The following NTN4 variants were observed in gnomAD, a reference collection of about 807,000 sequenced individuals.
NTN4 encodes netrin 4.
Under a neutral mutation model 73.6 loss-of-function variants are expected in NTN4, and 32 were observed. The observed-to-expected ratio is 0.44, with a 90% confidence interval of 0.33 to 0.58. The LOEUF is 0.58. Among genes scored for constraint, NTN4 ranks in the 20% least tolerant of loss-of-function variants. NTN4 has a pLI of 0.04. For synonymous variants in NTN4, 258 were observed against 287.5 expected (o/e 0.90, Z 1.04); for missense variants, 654 against 798.3 (o/e 0.82, Z 2.18).
chr12:95,672,216 CG>C (rs1303324927), intron 7 of NTN4: 1 of 451,024 alleles, frequency 2.2e-6, no homozygotes, highest in Non-Finnish European at 3.8e-6. Flanking sequence ...GGGGGGCGGG[CG>C]GGGGGAGGGA....
At chr12:95,703,751 A>C (rs1463269729) in intron 5 of NTN4, among the ~76,000 whole-genome samples, 1 of 152,132 alleles carries the variant, frequency 6.6e-6, no homozygotes. Flanking sequence ...TTCTCAGTAA[A>C]CCTCTACATA....
chr12:95,672,796 C>T lies in NTN4; in HGVS notation c.1511-2650G>A, dbSNP rs1474377474. ...GAAGGACACTATTGCCAGCGCTCTG[C>T]CCTTTTGGAATAAAGAAATAGTTCC... On this transcript the variant is annotated intron_variant, in intron 7 of 9. Coordinates refer to ENST00000343702, the MANE Select transcript of NTN4 (RefSeq NM_021229.4). The T allele has an allele frequency of 4.5e-6, 6 of 1,323,344 alleles. No individual in the cohort carries two copies. The Admixed American group carries it at 8.4e-5, about 19-fold the overall frequency. 82.0% of individuals were successfully genotyped at this position (1,323,344 alleles called of 1,614,324 possible).
At chr12:95,768,012 C>G (rs955890494) in intron 2 of NTN4, among the ~76,000 whole-genome samples, 1 of 152,158 alleles carries the variant, frequency 6.6e-6, no homozygotes, top group Non-Finnish European at 1.5e-5. Flanking sequence ...TCTGCACATC[C>G]CTTATTCTGC....
intron 2 of NTN4, among the ~76,000 whole-genome samples, chr12:95,764,846 A>C (rs1340890289): frequency 1.3e-5 from 2 of 152,142 alleles, no homozygotes; most frequent in Non-Finnish European, 2.9e-5. Context: ...ACACGTTATA[A>C]CTCCCTAACT....
At chr12:95,718,302 T>C (rs2078622565) in intron 3 of NTN4, among the ~76,000 whole-genome samples, 1 of 152,178 alleles carries the variant, frequency 6.6e-6, no homozygotes. Flanking sequence ...GTCCTTCCTT[T>C]TGGGGCAGAA....
In NTN4 at chr12:95,711,663, G is replaced by A. The variant is rs115281438; in HGVS notation, c.992-1034C>T. 8.9e-3 allele frequency among the ~76,000 whole-genome samples: 1,355 copies of A among 152,266 alleles called. 21 individuals are homozygous for A. Among genetic ancestry groups the A allele is most frequent in the African/African-American group, 0.031 (1,274 of 41,554 alleles). Reference sequence around the variant, plus strand: ...GAAGCCTCAATTTTCTTACAGAAGAGGCCTGCAGTATTTATTATATAACAA... The same window carrying A: ...GAAGCCTCAATTTTCTTACAGAAGAAGCCTGCAGTATTTATTATATAACAA... On this transcript the variant is annotated intron_variant, in intron 4 of 9. Transcript: ENST00000343702.
intron 5 of NTN4, among the ~76,000 whole-genome samples, chr12:95,708,276 AT>A (rs2078535685): frequency 7.0e-6 from 1 of 143,774 alleles, no homozygotes; most frequent in Admixed American, 6.8e-5. Flanking sequence ...TTATTTATTT[AT>A]TTATTTATTT....
rs56063223 is a variant in NTN4, at chr12:95,700,080, A to ATTTTTTTTTTTTTTTTTTT, written c.1180+10342_1180+10360dup. On this transcript the variant is annotated intron_variant, in intron 5 of 9. Transcript: ENST00000343702. The stretch of plus-strand genomic sequence containing the variant: ...AACAGTGTATTCTTCTAAAGTGAGG[A>ATTTTTTTTTTTTTTTTTTT]TTTTTTTTTTTTTTTTTTTTTTTTT... Among the ~76,000 whole-genome samples, 5 of 41,822 alleles carry ATTTTTTTTTTTTTTTTTTT rather than the reference A, an allele frequency of 1.2e-4. 1 individual carries two copies. Among genetic ancestry groups the ATTTTTTTTTTTTTTTTTTT allele is most frequent in the Non-Finnish European group, 4.3e-5 (1 of 23,310 alleles). 27.4% of individuals were successfully genotyped at this position (41,822 alleles called of 152,430 possible). A position where few individuals can be genotyped will look rare whatever the true frequency, so the allele number is the denominator to read the frequency against.
intron 2 of NTN4, among the ~76,000 whole-genome samples, chr12:95,766,158 G>A (rs2079020103): frequency 6.6e-6 from 1 of 152,098 alleles, no homozygotes. Context: ...GGCTAAAAAG[G>A]GTGCTCCTCT....
At chr12:95,694,427 T>C (rs1052668731) in intron 5 of NTN4, among the ~76,000 whole-genome samples, 6 of 152,024 alleles carry the variant, frequency 3.9e-5, no homozygotes, top group Non-Finnish European at 8.8e-5. Context: ...GGGGGATTTT[T>C]AATAGTGAAG....
At chr12:95,788,698 T>C (rs1320385742) in intron 1 of NTN4, among the ~76,000 whole-genome samples, 1 of 152,218 alleles carries the variant, frequency 6.6e-6, no homozygotes, top group Non-Finnish European at 1.5e-5. Flanking sequence ...CCACGAAGCC[T>C]TGCAACTAAA....
At chr12:95,715,692 T>C (rs1385473559) in intron 3 of NTN4, among the ~76,000 whole-genome samples, 3 of 152,210 alleles carry the variant, frequency 2.0e-5, no homozygotes, top group Admixed American at 6.5e-5. Flanking sequence ...TTTTTCATCC[T>C]AGCTCCTGGG....
At chr12:95,711,762 G>T (rs1347488561) in intron 4 of NTN4, among the ~76,000 whole-genome samples, 1 of 152,176 alleles carries the variant, frequency 6.6e-6, no homozygotes, top group African/African-American at 2.4e-5. Context: ...TACGTATTTA[G>T]ATAGGCAGCT....
chr12:95,704,040 C>T (rs972500712), intron 5 of NTN4, among the ~76,000 whole-genome samples: 2 of 151,624 alleles, frequency 1.3e-5, no homozygotes, highest in Non-Finnish European at 2.9e-5. Context: ...GTGATCCTCC[C>T]TCCTCAGCCT....
intron 5 of NTN4, among the ~76,000 whole-genome samples, chr12:95,706,859 T>C (rs910170776): frequency 3.3e-5 from 5 of 152,174 alleles, no homozygotes; most frequent in Non-Finnish European, 5.9e-5. Context: ...CAAACTTTAC[T>C]GTGCATCAGA....
At position 95,665,824 on chromosome 12, in the gene NTN4, G is replaced by A; in HGVS notation, c.1736C>T (p.Pro579Leu). The A allele has an allele frequency of 6.2e-7, 1 of 1,613,416 alleles. No individual in the cohort carries two copies. Among genetic ancestry groups the A allele is most frequent in the Non-Finnish European group, 8.5e-7 (1 of 1,179,582 alleles). The part of the protein sequence containing the change: ...ESWTDRGCTC[P>L]ILNPGLEYLV... ...CTAATACTCACCAGGATTGAGGATT[G>A]GACAAGTGCATCCTCTGTCCGTCCA... The change falls in exon 9 of 10, where the codon CCA becomes CTA. Residue 579 changes from proline to leucine, a missense_variant. Physicochemically the swap from Pro to Leu is moderately conservative, Grantham distance 98. Coordinates refer to ENST00000343702, the MANE Select transcript of NTN4 (RefSeq NM_021229.4).
chr12:95,789,412 A>G lies in NTN4; in HGVS notation c.55+843T>C, dbSNP rs73225777. Among the ~76,000 whole-genome samples the G allele has an allele frequency of 0.031, 4,682 of 152,194 alleles. 100 individuals carry two copies. Among genetic ancestry groups the G allele is most frequent in the Non-Finnish European group, 0.05 (3,373 of 67,962 alleles). ...CCTCACATCTCTCCCCCTCACCTAC[A>G]GGGCTGCGCTTACGCCTAACTGGAA... is the stretch of plus-strand genomic sequence containing the variant. On this transcript the variant is annotated intron_variant, in intron 1 of 9. Transcript: ENST00000343702. This position sits in a 1 kb window ranked among gnomAD's most constrained non-coding sequence, Gnocchi z 4.0.
chr12:95,702,720 AT>A (rs2078494123), intron 5 of NTN4, among the ~76,000 whole-genome samples: 2 of 152,004 alleles, frequency 1.3e-5, no homozygotes, highest in Admixed American at 1.3e-4. Flanking sequence ...AGATCTTCTG[AT>A]TTTCACAGAC....
chr12:95,720,315 T>C (rs2078637955), intron 3 of NTN4, among the ~76,000 whole-genome samples: 1 of 152,222 alleles, frequency 6.6e-6, no homozygotes, highest in African/African-American at 2.4e-5. Context: ...CCTACTTCAC[T>C]AATTTGCCAA....
Sources: allele counts gnomAD v4.1 joint callset (sites outside exome capture counted in the v4.1 genomes callset), GRCh38; gene constraint gnomAD v4.1.1; non-coding constraint Gnocchi (gnomAD v3.1); transcripts MANE v1.5; gene names NCBI Gene and HGNC (gene_info 2026-07-23, HGNC 2026-07-21).